The following POLE variants were observed in gnomAD, a reference collection of about 807,000 sequenced individuals.
The protein encoded by POLE is DNA polymerase epsilon, catalytic subunit.
POLE carries 188 observed loss-of-function variants against 279.2 expected under a neutral mutation model. The ratio of observed to expected loss-of-function variants is 0.67; its 90% confidence interval spans 0.60 to 0.76. The LOEUF (loss-of-function observed/expected upper bound fraction) is 0.76, where lower values mean the gene tolerates loss of function less well. Among genes scored for constraint, POLE ranks in the 30% least tolerant of loss-of-function variants. The pLI is 0.00. For synonymous variants in POLE, 1,214 were observed against 1,172.5 expected, an observed-to-expected ratio of 1.04 and a Z score of -0.72; for missense variants, 2,703 against 3,016.7, an observed-to-expected ratio of 0.90 and a Z score of 2.44.
At chr12:132,660,587 A>C (rs758266447) in intron 25 of POLE, 41 of 162,256 alleles carry the variant, frequency 2.5e-4, no homozygotes, top group Non-Finnish European at 5.1e-4. Context: ...ATGTAGCCTG[A>C]AAAATATAAA....
intron 12 of POLE, among the ~76,000 whole-genome samples, chr12:132,674,275 G>A (rs1043175722): frequency 2.0e-5 from 3 of 151,994 alleles, no homozygotes; most frequent in Admixed American, 1.3e-4. Context: ...AGCTGTCCAG[G>A]GGTCATGTCC....
chr12:132,641,967 C>A, intron 38 of POLE, 116 bp from the exon 39 acceptor site: 3 of 1,037,630 alleles, frequency 2.9e-6, no homozygotes, highest in Non-Finnish European at 2.9e-6. Flanking sequence ...CTGCCCACAC[C>A]CATCCTCACA....
chr12:132,624,392 C>A lies in POLE; in HGVS notation c.*305G>T, dbSNP rs2041787250. 2.1e-6 allele frequency: 1 copy of A among 476,090 alleles called. No homozygotes were observed. Among genetic ancestry groups the A allele is most frequent in the Non-Finnish European group, 3.8e-6 (1 of 260,238 alleles). The allele number at this position is 476,090 out of a possible 1,614,324, so 29.5% of individuals were successfully genotyped here. On this transcript the variant is annotated 3_prime_UTR_variant, in exon 49 of 49. Coordinates refer to ENST00000320574, the MANE Select transcript of POLE (RefSeq NM_006231.4). Reference sequence around the variant, plus strand: ...ACCCCACCAGGTGTGGTGCAGGAAGCAACAGAGGCCTGGAAAAGCATTCAC... The same window carrying A: ...ACCCCACCAGGTGTGGTGCAGGAAGAAACAGAGGCCTGGAAAAGCATTCAC...
At chr12:132,676,237 AGAGGCT>A (rs762094860) in intron 9 of POLE, 33 bp from the exon 10 acceptor site, 1 of 1,471,550 alleles carries the variant, frequency 6.8e-7, no homozygotes, top group East Asian at 2.3e-5. Context: ...AGCACAAGTC[AGAGGCT>A]GCAAAGCCAA....
At chr12:132,672,978 G>T in intron 14 of POLE, 139 bp from the exon 15 acceptor site, 1 of 845,708 alleles carries the variant, frequency 1.2e-6, no homozygotes, top group Non-Finnish European at 1.9e-6. Flanking sequence ...TCTGCCTCCT[G>T]TGGTTTCTTC....
At chr12:132,636,695 C>T (rs2042041768) in intron 41 of POLE, among the ~76,000 whole-genome samples, 1 of 152,124 alleles carries the variant, frequency 6.6e-6, no homozygotes, top group Non-Finnish European at 1.5e-5. Context: ...TTTGAGGCCG[C>T]AGTGAGCCAT....
chr12:132,625,188 AC>A (rs2138424361), intron 47 of POLE, 194 bp from the exon 48 acceptor site: 1 of 686,568 alleles, frequency 1.5e-6, no homozygotes, highest in East Asian at 2.7e-5. Context: ...CCCTACACCC[AC>A]CCTCGCTGTG....
At chr12:132,638,198 C>A (rs2138503366) in intron 40 of POLE, 59 bp from the exon 41 acceptor site, 1 of 1,547,274 alleles carries the variant, frequency 6.5e-7, no homozygotes, top group Non-Finnish European at 8.8e-7. Flanking sequence ...AGCCAGAGGG[C>A]ACCCAGAAAA....
Position 132,665,347 on chromosome 12 carries a change from T to A in POLE, c.2423A>T (p.His808Leu). 6.2e-7 allele frequency: 1 copy of A among 1,614,042 alleles called. No individual in the cohort carries two copies. The highest frequency in any genetic ancestry group is 8.5e-7 in the Non-Finnish European group (1 of 1,180,008). The stretch of plus-strand genomic sequence containing the variant: ...ATAGAAGGAGTTCAGGATGCACTTG[T>A]GGGCCAGCTGCAGCGAGTCATACAG... ...EVLYDSLQLAHKCILNSFYGY... is the reference protein window; with the variant it reads ...EVLYDSLQLALKCILNSFYGY... Residue 808 changes from histidine (H) to leucine (L), a missense_variant, in exon 21 of 49, where the codon CAC (histidine) becomes CTC (leucine). Physicochemically the swap from His to Leu is moderately conservative, Grantham distance 99 (BLOSUM62 -3). Around this residue, in one of 5 missense-constraint regions of POLE, gnomAD observed 1,011 missense variants for 1,111.7 expected, o/e 0.91. Transcript: ENST00000320574.
rs2043030035 is a variant in POLE, at chr12:132,675,636, G to A, written c.1106+99C>T. The A allele has an allele frequency of 6.3e-7, 1 of 1,575,284 alleles. No homozygotes were observed. Among genetic ancestry groups the A allele is most frequent in the Non-Finnish European group, 8.7e-7 (1 of 1,149,156 alleles). Reference sequence around the variant, plus strand: ...CACGGGAGGTGCAGAGTGAACCCAGGAGCCACCTCCTAAGTCGACATGGGA... The same window carrying A: ...CACGGGAGGTGCAGAGTGAACCCAGAAGCCACCTCCTAAGTCGACATGGGA... On this transcript the variant is annotated intron_variant, in intron 11 of 48. Coordinates refer to ENST00000320574, the MANE Select transcript of POLE (RefSeq NM_006231.4). The surrounding 1 kb of genome is among the most constrained non-coding windows in gnomAD (Gnocchi z 4.3).
intron 29 of POLE, among the ~76,000 whole-genome samples, chr12:132,656,019 T>A (rs2042526851): frequency 6.6e-6 from 1 of 151,518 alleles, no homozygotes; most frequent in South Asian, 2.1e-4. Flanking sequence ...AAAAAAAAAA[T>A]TAAAAAAATA....
At chr12:132,686,823 T>C (rs2043282091) in intron 1 of POLE, among the ~76,000 whole-genome samples, 1 of 151,294 alleles carries the variant, frequency 6.6e-6, no homozygotes, top group East Asian at 2.0e-4. Flanking sequence ...TCCGCCCGCC[T>C]CGGCCTCCCC....
At chr12:132,643,182 C>G (rs754894472) in intron 35 of POLE, 42 bp downstream of exon 35, 1 of 1,594,966 alleles carries the variant, frequency 6.3e-7, no homozygotes, top group East Asian at 2.2e-5. Context: ...TCCCCAAACC[C>G]TGCCCCAGCC....
At chr12:132,626,828 T>C (rs2041849319) in intron 45 of POLE, among the ~76,000 whole-genome samples, 1 of 152,244 alleles carries the variant, frequency 6.6e-6, no homozygotes, top group East Asian at 1.9e-4. Flanking sequence ...TTTCAACAAA[T>C]GGTTCTTGAA....
At chr12:132,660,662 T>G (rs918051342) in intron 25 of POLE, 7 of 254,134 alleles carry the variant, frequency 2.8e-5, no homozygotes, top group African/African-American at 1.5e-4. Context: ...CAGTCACGGC[T>G]CACTGTGGCC....
intron 1 of POLE, 28 bp from the exon 2 acceptor site, chr12:132,681,307 T>G: frequency 6.2e-7 from 1 of 1,604,052 alleles, no homozygotes; most frequent in Middle Eastern, 1.7e-4. Context: ...ACCCCGTGCT[T>G]AATTTGTAAT....
chr12:132,669,170 A>C (rs113073873), intron 16 of POLE, among the ~76,000 whole-genome samples: 94 of 152,306 alleles, frequency 6.2e-4, no homozygotes, highest in African/African-American at 2.1e-3. Context: ...CTTAGTATTA[A>C]AAAAAATCCT....
intron 29 of POLE, chr12:132,650,548 G>C (rs1259517801): frequency 1.3e-5 from 2 of 152,380 alleles, no homozygotes; most frequent in African/African-American, 4.8e-5. Context: ...CTAGGAGGTA[G>C]GGGTTGCAGT....
chr12:132,642,524 T>C lies in POLE; in HGVS notation c.4934A>G (p.Gln1645Arg), dbSNP rs878854879. The C allele has an allele frequency of 1.2e-6, 2 of 1,613,502 alleles. No homozygotes were observed. The highest frequency in any genetic ancestry group is 1.7e-6 in the Non-Finnish European group (2 of 1,180,018). Residue 1645 changes from glutamine to arginine, a missense_variant, in exon 37 of 49, where the codon CAG becomes CGG. This residue lies in a region of POLE where 1,551 missense variants were observed against 1,686.1 expected (regional missense o/e 0.92). Transcript: ENST00000320574. ...TGCTCACCTGCTCATCTCGAAGGCC[T>C]GCGACAGGCAGGTGTCCAGGTTGAG... ...HYLNLDTCLS[Q>R]AFEMSRYFHI...
Sources: gnomAD v4.1 joint callset for allele counts (sites outside exome capture counted in the v4.1 genomes callset) on GRCh38, gnomAD v4.1.1 for gene constraint, gnomAD v4.1.1 regional missense constraint, Gnocchi (gnomAD v3.1) non-coding constraint, MANE v1.5 for transcripts, NCBI Gene and HGNC (gene_info 2026-07-23, HGNC 2026-07-21) for gene names.